The following PDS5B variants were observed in gnomAD, a reference collection of about 807,000 sequenced individuals.
PDS5B encodes the protein sister chromatid cohesion protein PDS5 homolog B.
A neutral mutation model predicts 184.1 loss-of-function variants in PDS5B; 51 were observed. That is an observed-to-expected ratio of 0.28 (90% CI 0.22 to 0.35). The LOEUF is 0.35. PDS5B is among the 10% of genes least tolerant of loss of function. PDS5B has a pLI of 1.00. For missense variants in PDS5B, 1,180 were observed against 1,723.3 expected (o/e 0.68, Z 5.58); for synonymous variants, 566 against 569.2 (o/e 0.99, Z 0.08).
In PDS5B at chr13:32,775,204, T is replaced by A. The variant is rs575159859; in HGVS notation, c.*152T>A. 7.1e-5 allele frequency: 45 copies of A among 638,146 alleles called. No homozygotes were observed. The highest frequency in any genetic ancestry group is 2.0e-4 in the Admixed American group (7 of 35,256). The allele number at this position is 638,146 out of a possible 1,614,324, so 39.5% of individuals were successfully genotyped here. ...GACCTTACTTTGGTGACCCCATACA[T>A]TTGTGGTCACATGCTTTAGCCATAC... On this transcript the variant is annotated 3_prime_UTR_variant, in exon 35 of 35. Coordinates refer to ENST00000315596, the MANE Select transcript of PDS5B (RefSeq NM_015032.4).
chr13:32,740,435 T>G (rs1953497867), intron 21 of PDS5B, among the ~76,000 whole-genome samples: 1 of 152,160 alleles, frequency 6.6e-6, no homozygotes, highest in Non-Finnish European at 1.5e-5. Flanking sequence ...GGAGTTTGCC[T>G]TTTTAGATGT....
intron 1 of PDS5B, among the ~76,000 whole-genome samples, chr13:32,609,053 A>G (rs1566244031): frequency 6.6e-6 from 1 of 152,236 alleles, no homozygotes; most frequent in African/African-American, 2.4e-5. Context: ...ATACAAAGCC[A>G]TCACAGTTCA....
chr13:32,688,593 G>A, intron 13 of PDS5B, 24 bp downstream of exon 13: 1 of 1,306,964 alleles, frequency 7.7e-7, no homozygotes, highest in Non-Finnish European at 1.1e-6. Flanking sequence ...ATCAAATTCT[G>A]TTCTTTTCAT....
intron 24 of PDS5B, 66 bp downstream of exon 24, chr13:32,746,166 A>T: frequency 7.5e-7 from 1 of 1,337,910 alleles, no homozygotes; most frequent in Non-Finnish European, 1.1e-6. Context: ...AAAAACATCC[A>T]CTGTGATACA....
chr13:32,688,433 A>G (rs373357528), intron 12 of PDS5B, 23 bp from the exon 13 acceptor site: 17 of 1,200,762 alleles, frequency 1.4e-5, no homozygotes, highest in African/African-American at 6.1e-5. Context: ...AATCAATACA[A>G]TGCCTTCTCT....
chr13:32,701,578 A>G (rs886408121), intron 17 of PDS5B, 140 bp downstream of exon 17: 16 of 528,162 alleles, frequency 3.0e-5, no homozygotes, highest in Non-Finnish European at 5.5e-5. Context: ...TCCTCTGCAT[A>G]TACCTGTATT....
chr13:32,769,299 T>A (rs1593656383), intron 31 of PDS5B, among the ~76,000 whole-genome samples: 1 of 152,212 alleles, frequency 6.6e-6, no homozygotes, highest in South Asian at 2.1e-4. Flanking sequence ...GGAAGCTCAA[T>A]TTAAAGTTAG....
chr13:32,717,742 A>G (rs1952517509), intron 19 of PDS5B, among the ~76,000 whole-genome samples: 1 of 150,812 alleles, frequency 6.6e-6, no homozygotes, highest in South Asian at 2.1e-4. Flanking sequence ...AAAAGCACCA[A>G]TGTAAGTTGT....
chr13:32,652,082 GTATTT>G, intron 3 of PDS5B, 75 bp downstream of exon 3: 1 of 949,628 alleles, frequency 1.1e-6, no homozygotes, highest in Non-Finnish European at 1.7e-6. Flanking sequence ...GGGAGTTAAG[GTATTT>G]AGATGATTTC....
At chr13:32,634,969 C>G (rs71436491) in intron 1 of PDS5B, among the ~76,000 whole-genome samples, 1 of 148,364 alleles carries the variant, frequency 6.7e-6, no homozygotes, top group Non-Finnish European at 1.5e-5. Flanking sequence ...GTTCCAGTTT[C>G]TTCACAACCT....
chr13:32,594,469 A>C (rs1472451581), intron 1 of PDS5B, among the ~76,000 whole-genome samples: 1 of 152,188 alleles, frequency 6.6e-6, no homozygotes, highest in African/African-American at 2.4e-5. Flanking sequence ...AAATACTTAT[A>C]AAACAAGCCA....
chr13:32,670,260 A>G (rs1281668380), intron 7 of PDS5B, among the ~76,000 whole-genome samples: 1 of 152,156 alleles, frequency 6.6e-6, no homozygotes, highest in African/African-American at 2.4e-5. Flanking sequence ...TCTGTCACCC[A>G]GGCTGGAGTT....
chr13:32,703,477 T>A (rs917043945), intron 17 of PDS5B, among the ~76,000 whole-genome samples: 1 of 152,172 alleles, frequency 6.6e-6, no homozygotes, highest in Non-Finnish European at 1.5e-5. Context: ...CTTTATAATG[T>A]GCCTGGTGTT....
chr13:32,638,808 G>T (rs2058608540), intron 1 of PDS5B, among the ~76,000 whole-genome samples: 1 of 152,038 alleles, frequency 6.6e-6, no homozygotes, highest in Non-Finnish European at 1.5e-5. Context: ...CTGGTATTAG[G>T]GAAGAGGGAG....
At chr13:32,640,949 C>A (rs929415634) in intron 1 of PDS5B, among the ~76,000 whole-genome samples, 1 of 150,506 alleles carries the variant, frequency 6.6e-6, no homozygotes, top group Non-Finnish European at 1.5e-5. Flanking sequence ...CCCAGCTACT[C>A]GGGAGGCTGA....
At chr13:32,745,498 A>G (rs1184418919) in intron 23 of PDS5B, among the ~76,000 whole-genome samples, 3 of 152,228 alleles carry the variant, frequency 2.0e-5, no homozygotes, top group Admixed American at 6.5e-5. Flanking sequence ...GGTGTTCAGT[A>G]TTGCTAAATT....
In PDS5B at chr13:32,655,374, ATT is replaced by A. The variant is rs1228814649; in HGVS notation, c.313-2843_313-2842del. ...TGTTCTTTGCCATATATATATATAT[ATT>A]TTTTTTTTTTTTTTTTTTTTTAGAT... On this transcript the variant is annotated intron_variant, in intron 3 of 34. Coordinates refer to ENST00000315596, the MANE Select transcript of PDS5B (RefSeq NM_015032.4). Among the ~76,000 whole-genome samples, 468 of 72,408 alleles carry A rather than the reference ATT, an allele frequency of 6.5e-3. 10 individuals are homozygous for A. Among genetic ancestry groups the A allele is most frequent in the African/African-American group, 0.036 (430 of 12,038 alleles). 47.5% of individuals were successfully genotyped at this position (72,408 alleles called of 152,430 possible).
intron 1 of PDS5B, among the ~76,000 whole-genome samples, chr13:32,640,496 T>C (rs997681605): frequency 9.2e-5 from 14 of 152,112 alleles, no homozygotes; most frequent in African/African-American, 3.4e-4. Context: ...ATCTGCCCAC[T>C]TTGGGCTCCC....
At chr13:32,607,124 G>T (rs1049666359) in intron 1 of PDS5B, among the ~76,000 whole-genome samples, 2 of 152,238 alleles carry the variant, frequency 1.3e-5, no homozygotes, top group African/African-American at 4.8e-5. Context: ...TCCTTTGGAG[G>T]AGAAGAGGTG....
Sources: gnomAD v4.1 joint callset for allele counts (sites outside exome capture counted in the v4.1 genomes callset) on GRCh38, gnomAD v4.1.1 for gene constraint, MANE v1.5 for transcripts, NCBI Gene and HGNC (gene_info 2026-07-23, HGNC 2026-07-21) for gene names.